The following SPATS2 variants were observed in gnomAD, a reference collection of about 807,000 sequenced individuals.
SPATS2 encodes spermatogenesis associated serine rich 2.
A neutral mutation model predicts 63.7 loss-of-function variants in SPATS2; 38 were observed. That is an observed-to-expected ratio of 0.60 (90% CI 0.46 to 0.78). The LOEUF is 0.78. Among genes scored for constraint, SPATS2 ranks in the 30% least tolerant of loss-of-function variants. The probability of loss-of-function intolerance (pLI) is 0.00; values close to 1 mark genes in which losing one functional copy is unlikely to be tolerated. For missense variants in SPATS2, 588 were observed against 666.2 expected (o/e 0.88, Z 1.29); for synonymous variants, 207 against 232.9 (o/e 0.89, Z 1.01).
chr12:49,397,482 A>G (rs1944530869), intron 2 of SPATS2, among the ~76,000 whole-genome samples: 1 of 152,110 alleles, frequency 6.6e-6, no homozygotes, highest in Non-Finnish European at 1.5e-5. Flanking sequence ...GCTCACTAGT[A>G]TATTCCCCAG....
chr12:49,436,081 T>A (rs1193560909), intron 2 of SPATS2, among the ~76,000 whole-genome samples: 1 of 152,016 alleles, frequency 6.6e-6, no homozygotes, highest in East Asian at 1.9e-4. Context: ...TTTCTCAATC[T>A]TTTCCCCACC....
intron 2 of SPATS2, among the ~76,000 whole-genome samples, chr12:49,456,007 A>G (rs1592415048): frequency 6.6e-6 from 1 of 152,164 alleles, no homozygotes; most frequent in East Asian, 1.9e-4. Flanking sequence ...CAGCAACCTC[A>G]GGCTAGCTGA....
At position 49,496,990 on chromosome 12, in the gene SPATS2, C is replaced by A. The variant is rs761420254; in HGVS notation, c.684C>A (p.Leu228=). ...ATATGGGGATGGAAGATGTTCCCCT[C>A]GCCACCAGTAAAAAGCTAAGTAAGT... ...FSNMGMEDVP[L]ATSKKLSSNI... Residue 228 remains leucine (L), a synonymous_variant, in exon 8 of 14, where the codon CTC becomes CTA. Coordinates refer to ENST00000552918, the MANE Select transcript of SPATS2 (RefSeq NM_023071.4). 1 of 1,559,966 alleles carries A rather than the reference C, an allele frequency of 6.4e-7. No individual in the cohort carries two copies. Among genetic ancestry groups the A allele is most frequent in the Non-Finnish European group, 8.7e-7 (1 of 1,155,486 alleles).
intron 2 of SPATS2, among the ~76,000 whole-genome samples, chr12:49,413,608 C>A (rs1176198730): frequency 3.3e-5 from 5 of 152,026 alleles, no homozygotes; most frequent in Non-Finnish European, 5.9e-5. Flanking sequence ...ATACACTCAC[C>A]CCTTCTTAAG....
At chr12:49,421,877 C>T (rs2137424181) in intron 2 of SPATS2, among the ~76,000 whole-genome samples, 1 of 152,168 alleles carries the variant, frequency 6.6e-6, no homozygotes, top group South Asian at 2.1e-4. Context: ...CTATCCAGTG[C>T]CTAATATTTT....
At position 49,461,009 on chromosome 12, in the gene SPATS2, G is replaced by A. The variant is rs781045746; in HGVS notation, c.-4G>A. 2.4e-5 allele frequency: 38 copies of A among 1,613,648 alleles called. No homozygotes were observed. Among genetic ancestry groups the A allele is most frequent in the Non-Finnish European group, 2.9e-5 (34 of 1,179,886 alleles). Reference sequence around the variant, plus strand: ...GTATATTTTTTGAGATCGAAGAAACGACAATGTCCAGGAAACAGAACCAGA... The same window carrying A: ...GTATATTTTTTGAGATCGAAGAAACAACAATGTCCAGGAAACAGAACCAGA... On this transcript the variant is annotated 5_prime_UTR_variant, in exon 3 of 14. Transcript: ENST00000552918.
intron 2 of SPATS2, among the ~76,000 whole-genome samples, chr12:49,388,848 C>CT (rs1944367992): frequency 1.3e-5 from 2 of 151,810 alleles, no homozygotes; most frequent in African/African-American, 4.8e-5. Context: ...GCACAAGTCC[C>CT]CATGCCCAGC....
At chr12:49,454,463 T>G (rs533517650) in intron 2 of SPATS2, 1 of 152,344 alleles carries the variant, frequency 6.6e-6, no homozygotes. Flanking sequence ...TCACTTAAAG[T>G]CTTTCAACAG....
intron 2 of SPATS2, among the ~76,000 whole-genome samples, chr12:49,410,164 C>T (rs1479813908): frequency 2.0e-5 from 3 of 152,018 alleles, no homozygotes; most frequent in Non-Finnish European, 4.4e-5. Context: ...CAGCCTCTGC[C>T]TCCCGGGCTC....
intron 4 of SPATS2, among the ~76,000 whole-genome samples, chr12:49,485,841 C>T (rs1946283036): frequency 6.8e-6 from 1 of 147,392 alleles, no homozygotes; most frequent in Admixed American, 6.8e-5. Flanking sequence ...CTCCCTTTAG[C>T]CTCCACCTCC....
At chr12:49,381,121 T>C (rs748123680) in intron 2 of SPATS2, among the ~76,000 whole-genome samples, 30 of 152,196 alleles carry the variant, frequency 2.0e-4, no homozygotes, top group Non-Finnish European at 2.4e-4. Context: ...TCGTGCTTTT[T>C]ATTTGCATTT....
At chr12:49,478,333 A>G (rs1002887138) in intron 3 of SPATS2, among the ~76,000 whole-genome samples, 1 of 152,160 alleles carries the variant, frequency 6.6e-6, no homozygotes, top group African/African-American at 2.4e-5. Context: ...TCTTGTGACA[A>G]TAACTTCCTT....
At chr12:49,445,995 C>T (rs1372702346) in intron 2 of SPATS2, among the ~76,000 whole-genome samples, 2 of 152,158 alleles carry the variant, frequency 1.3e-5, no homozygotes, top group African/African-American at 4.8e-5. Flanking sequence ...ACCTCTGCCT[C>T]CTGGGCTCAA....
In SPATS2 at chr12:49,385,128, G is replaced by A. The variant is rs139822112; in HGVS notation, c.-244+13838G>A. Reference sequence around the variant, plus strand: ...CCAGTCCATTCATTTCTTTAATAAAGTTTTACTTAGTGCCTACTATGAGCC... The same window carrying A: ...CCAGTCCATTCATTTCTTTAATAAAATTTTACTTAGTGCCTACTATGAGCC... On this transcript the variant is annotated intron_variant, in intron 2 of 13. Coordinates refer to ENST00000552918, the MANE Select transcript of SPATS2 (RefSeq NM_023071.4). 3.3e-5 allele frequency among the ~76,000 whole-genome samples: 5 copies of A among 152,156 alleles called. No homozygotes were observed. The East Asian group carries it at 7.7e-4, about 24-fold the overall frequency.
At chr12:49,432,039 A>G (rs532875909) in intron 2 of SPATS2, among the ~76,000 whole-genome samples, 3 of 152,290 alleles carry the variant, frequency 2.0e-5, no homozygotes, top group African/African-American at 7.2e-5. Context: ...TACATTTTTA[A>G]TTTTGACAGC....
intron 9 of SPATS2, among the ~76,000 whole-genome samples, chr12:49,509,739 C>T (rs1946716569): frequency 6.6e-6 from 1 of 151,246 alleles, no homozygotes; most frequent in Non-Finnish European, 1.5e-5. Flanking sequence ...ATCGCTTGAA[C>T]CCTGGAGGTA....
chr12:49,514,236 C>CA (rs1401708358), intron 9 of SPATS2, among the ~76,000 whole-genome samples: 2 of 136,918 alleles, frequency 1.5e-5, no homozygotes, highest in Admixed American at 6.7e-5. Context: ...GCACAGCTTA[C>CA]TAAAAAATGT....
At chr12:49,498,390 T>C (rs988313662) in intron 8 of SPATS2, among the ~76,000 whole-genome samples, 1 of 152,026 alleles carries the variant, frequency 6.6e-6, no homozygotes, top group Non-Finnish European at 1.5e-5. Context: ...GTTGAGTAGG[T>C]AAATGCAGTC....
chr12:49,423,214 T>C (rs1034364538), intron 2 of SPATS2, among the ~76,000 whole-genome samples: 1 of 151,576 alleles, frequency 6.6e-6, no homozygotes, highest in Non-Finnish European at 1.5e-5. Flanking sequence ...CTCACTGCAG[T>C]GTCTGCCTCA....
Sources: allele counts gnomAD v4.1 joint callset (sites outside exome capture counted in the v4.1 genomes callset), GRCh38; gene constraint gnomAD v4.1.1; transcripts MANE v1.5; gene names NCBI Gene and HGNC (gene_info 2026-07-23, HGNC 2026-07-21).